The following GPM6A variants were observed in gnomAD, a reference collection of about 807,000 sequenced individuals.
GPM6A encodes neuronal membrane glycoprotein M6-a.
Under a neutral mutation model 32.1 loss-of-function variants are expected in GPM6A, and 7 were observed. The ratio of observed to expected loss-of-function variants is 0.22; its 90% confidence interval spans 0.12 to 0.41. GPM6A has a LOEUF of 0.41. Among genes scored for constraint, GPM6A ranks in the 10% least tolerant of loss-of-function variants. GPM6A has a pLI of 1.00. For missense variants in GPM6A, 235 were observed against 347.2 expected (o/e 0.68, Z 2.57); for synonymous variants, 130 against 123.4 (o/e 1.05, Z -0.35).
intron 2 of GPM6A, among the ~76,000 whole-genome samples, chr4:175,695,511 C>G (rs1744529819): frequency 6.6e-6 from 1 of 152,188 alleles, no homozygotes; most frequent in African/African-American, 2.4e-5. Context: ...TAATGACTAC[C>G]CTGCTAGATT....
At chr4:175,789,593 T>C (rs1300121717) in intron 1 of GPM6A, among the ~76,000 whole-genome samples, 1 of 152,152 alleles carries the variant, frequency 6.6e-6, no homozygotes, top group Non-Finnish European at 1.5e-5. Context: ...AAAAAAAACA[T>C]GAATTGTGTC....
At chr4:175,648,306 C>T (rs1017294078) in intron 4 of GPM6A, among the ~76,000 whole-genome samples, 9 of 152,028 alleles carry the variant, frequency 5.9e-5, no homozygotes, top group Non-Finnish European at 1.3e-4. Context: ...AATAGCCTCC[C>T]ATAGATGTTC....
intron 1 of GPM6A, among the ~76,000 whole-genome samples, chr4:175,950,841 T>C (rs1230611165): frequency 6.6e-6 from 1 of 152,224 alleles, no homozygotes; most frequent in Admixed American, 6.5e-5. Context: ...ACAGAAATTA[T>C]CAGCCATAAT....
At chr4:175,787,616 C>CT in intron 1 of GPM6A, 1 of 1,327,774 alleles carries the variant, frequency 7.5e-7, no homozygotes, top group East Asian at 3.0e-5. Flanking sequence ...CAAATCACAA[C>CT]CCATGTATCT....
chr4:175,794,016 C>G (rs1312288727), intron 1 of GPM6A, among the ~76,000 whole-genome samples: 1 of 151,414 alleles, frequency 6.6e-6, no homozygotes, highest in Non-Finnish European at 1.5e-5. Flanking sequence ...ACTTTTTAAC[C>G]TTTGTCAATT....
intron 1 of GPM6A, among the ~76,000 whole-genome samples, chr4:175,858,457 A>G (rs549188747): frequency 6.6e-6 from 1 of 151,784 alleles, no homozygotes; most frequent in East Asian, 1.9e-4. Flanking sequence ...GCTTGAACCC[A>G]GGAGGAGGAG....
intron 1 of GPM6A, among the ~76,000 whole-genome samples, chr4:175,736,054 C>T (rs960249385): frequency 2.6e-5 from 4 of 152,134 alleles, no homozygotes; most frequent in African/African-American, 9.7e-5. Context: ...GAAACAGGAT[C>T]TCACTCTATT....
chr4:175,931,709 C>CACACATATATATATATATAT (rs1324269132), intron 1 of GPM6A, among the ~76,000 whole-genome samples: 7 of 129,298 alleles, frequency 5.4e-5, no homozygotes, highest in African/African-American at 2.0e-4. Context: ...CACACACACA[C>CACACATATATATATATATAT]ATATATATAT....
At chr4:175,903,184 T>G (rs1738022952) in intron 1 of GPM6A, among the ~76,000 whole-genome samples, 1 of 152,020 alleles carries the variant, frequency 6.6e-6, no homozygotes, top group African/African-American at 2.4e-5. Flanking sequence ...AGTTTTCGAA[T>G]AATGATGGAA....
At chr4:175,765,599 CTG>C (rs1579475328) in intron 1 of GPM6A, among the ~76,000 whole-genome samples, 1 of 152,158 alleles carries the variant, frequency 6.6e-6, no homozygotes, top group Non-Finnish European at 1.5e-5. Flanking sequence ...AATTTCCCTA[CTG>C]TCCTATTAAA....
chr4:175,715,321 T>G (rs1442783182), intron 1 of GPM6A, among the ~76,000 whole-genome samples: 2 of 152,210 alleles, frequency 1.3e-5, no homozygotes, highest in African/African-American at 4.8e-5. Flanking sequence ...ATGGGTTTAT[T>G]GGTCTCAGCT....
chr4:175,761,294 A>T (rs1732729304), intron 1 of GPM6A, among the ~76,000 whole-genome samples: 1 of 152,110 alleles, frequency 6.6e-6, no homozygotes, highest in Admixed American at 6.6e-5. Flanking sequence ...GGGTTTCACC[A>T]TGTTGGCCAG....
intron 1 of GPM6A, among the ~76,000 whole-genome samples, chr4:175,982,665 T>C (rs1740852208): frequency 6.6e-6 from 1 of 152,140 alleles, no homozygotes; most frequent in South Asian, 2.1e-4. Context: ...GAATAAGTCT[T>C]AAAATGAATT....
intron 1 of GPM6A, among the ~76,000 whole-genome samples, chr4:175,725,801 C>T (rs1288840755): frequency 1.3e-5 from 2 of 151,944 alleles, no homozygotes; most frequent in Non-Finnish European, 2.9e-5. Context: ...AATTTGTATG[C>T]TATTTTGCAT....
chr4:175,907,541 C>A (rs1225438877), intron 1 of GPM6A, among the ~76,000 whole-genome samples: 2 of 152,120 alleles, frequency 1.3e-5, no homozygotes, highest in African/African-American at 4.8e-5. Flanking sequence ...TGAGGACATG[C>A]TACCCCCAAA....
chr4:175,856,535 G>A (rs1736422485), intron 1 of GPM6A, among the ~76,000 whole-genome samples: 1 of 152,238 alleles, frequency 6.6e-6, no homozygotes, highest in Non-Finnish European at 1.5e-5. Flanking sequence ...GATGGCTTAA[G>A]TGTCAAACAG....
At chr4:175,982,429 A>G (rs1740845964) in intron 1 of GPM6A, among the ~76,000 whole-genome samples, 1 of 152,138 alleles carries the variant, frequency 6.6e-6, no homozygotes, top group South Asian at 2.1e-4. Context: ...ATAATGTACA[A>G]GTTAGGTCAA....
At chr4:175,702,443 T>C (rs1351671016) in intron 1 of GPM6A, among the ~76,000 whole-genome samples, 1 of 152,242 alleles carries the variant, frequency 6.6e-6, no homozygotes, top group Non-Finnish European at 1.5e-5. Flanking sequence ...AGTGTGTTTT[T>C]GTACCCATTA....
At chr4:175,703,117 A>G (rs763722589) in intron 1 of GPM6A, among the ~76,000 whole-genome samples, 3 of 152,200 alleles carry the variant, frequency 2.0e-5, no homozygotes, top group Non-Finnish European at 4.4e-5. Context: ...CTTGACATAG[A>G]GTAACTACTC....
Sources: gnomAD v4.1 joint callset for allele counts (sites outside exome capture counted in the v4.1 genomes callset) on GRCh38, gnomAD v4.1.1 for gene constraint, MANE v1.5 for transcripts, NCBI Gene and HGNC (gene_info 2026-07-23, HGNC 2026-07-21) for gene names.